The following RHOU variants were observed in gnomAD, a reference collection of about 807,000 sequenced individuals.
The protein encoded by RHOU is ras homolog family member U, also known as rho-related GTP-binding protein RhoU.
RHOU carries 8 observed loss-of-function variants against 12.6 expected under a neutral mutation model. The observed-to-expected ratio is 0.64, with a 90% CI of 0.37 to 1.15. The LOEUF is 1.15. Among genes scored for constraint, RHOU ranks in the 50% most tolerant of loss-of-function variants. The pLI is 0.01. For synonymous variants in RHOU, 161 were observed against 147.4 expected (o/e 1.09, Z -0.67); for missense variants, 258 against 347.0 (o/e 0.74, Z 2.04).
chr1:228,716,562 C>G, the RHOU span, among the ~76,000 whole-genome samples: 2 of 152,138 alleles, frequency 1.3e-5, no homozygotes, highest in African/African-American at 4.8e-5. Context: ...TGCTTATCAC[C>G]TATAAGCTTC....
chr1:228,745,329 A>G lies in RHOU; in HGVS notation c.*1589A>G, dbSNP rs1401329868. The G allele has an allele frequency of 6.6e-6, 1 of 152,224 alleles. No homozygotes were observed. The highest frequency in any genetic ancestry group is 2.4e-5 in the African/African-American group (1 of 41,460). 9.4% of individuals were successfully genotyped at this position (152,224 alleles called of 1,614,324 possible). ...TGCGGTGGGTGACCCAGAGCCACCA[A>G]AGTCACATCCACAACTAATGAGGGA... On this transcript the variant is annotated 3_prime_UTR_variant, in exon 3 of 3. Transcript: ENST00000366691.
chr1:228,692,589 A>G, the RHOU span, among the ~76,000 whole-genome samples: 1 of 152,014 alleles, frequency 6.6e-6, no homozygotes, highest in Non-Finnish European at 1.5e-5. Flanking sequence ...TTTTCTGGCG[A>G]TTCTAAAATT....
the RHOU span, among the ~76,000 whole-genome samples, chr1:228,660,927 C>A: frequency 8.2e-5 from 9 of 109,566 alleles, no homozygotes; most frequent in Non-Finnish European, 1.6e-4. Context: ...GAGCGAAACT[C>A]TGTCTCAAAA....
At chr1:228,666,455 T>G in the RHOU span, among the ~76,000 whole-genome samples, 10 of 152,238 alleles carry the variant, frequency 6.6e-5, no homozygotes, top group Non-Finnish European at 1.5e-5. Flanking sequence ...TCTTTCTCAC[T>G]GTTTGAAACT....
upstream of RHOU, among the ~76,000 whole-genome samples, chr1:228,734,269 T>C (rs1015687372): frequency 1.3e-5 from 2 of 152,178 alleles, no homozygotes. Flanking sequence ...AAGTGTCCTT[T>C]GCAAGTCAGG....
At chr1:228,674,929 C>T in the RHOU span, among the ~76,000 whole-genome samples, 2 of 151,798 alleles carry the variant, frequency 1.3e-5, no homozygotes, top group South Asian at 4.2e-4. Flanking sequence ...CGGGATTTCA[C>T]CGTGTTAGCC....
the RHOU span, among the ~76,000 whole-genome samples, chr1:228,713,452 C>T: frequency 6.6e-6 from 1 of 151,998 alleles, no homozygotes; most frequent in Non-Finnish European, 1.5e-5. Context: ...TTGTACTATC[C>T]TTTTTTTGTT....
the RHOU span, among the ~76,000 whole-genome samples, chr1:228,724,987 C>A: frequency 1.3e-5 from 2 of 152,172 alleles, no homozygotes; most frequent in African/African-American, 4.8e-5. Flanking sequence ...ACTTATTTGT[C>A]CTTGACTTCT....
chr1:228,701,578 TA>T, the RHOU span, among the ~76,000 whole-genome samples: 1 of 152,120 alleles, frequency 6.6e-6, no homozygotes, highest in Admixed American at 6.5e-5. Flanking sequence ...CTGATTTTAA[TA>T]AAACCTTATA....
At chr1:228,694,541 C>T in the RHOU span, among the ~76,000 whole-genome samples, 7 of 152,080 alleles carry the variant, frequency 4.6e-5, no homozygotes, top group Non-Finnish European at 7.3e-5. Flanking sequence ...TGTTCTCATT[C>T]GGCTCCCACT....
In RHOU at chr1:228,737,856, T is replaced by A; in HGVS notation, c.321+125T>A. On this transcript the variant is annotated intron_variant, in intron 2 of 2. Transcript: ENST00000366691. This position sits in a 1 kb window ranked among gnomAD's most constrained non-coding sequence, Gnocchi z 4.1. ...AAGCCTCATGAAGTGGACCCACCCC[T>A]GCTGTTGGCCCTTCTCTGAGGGTGG... 1.0e-6 allele frequency: 1 copy of A among 1,004,984 alleles called. No individual in the cohort carries two copies. The highest frequency in any genetic ancestry group is 1.5e-6 in the Non-Finnish European group (1 of 658,406). The allele number at this position is 1,004,984 out of a possible 1,614,324, so 62.3% of individuals were successfully genotyped here. A position where few individuals can be genotyped will look rare whatever the true frequency, so the allele number is the denominator to read the frequency against.
the RHOU span, among the ~76,000 whole-genome samples, chr1:228,678,081 G>A: frequency 1.3e-5 from 2 of 152,172 alleles, no homozygotes; most frequent in African/African-American, 2.4e-5. Flanking sequence ...GCAAATCCCC[G>A]AGCTTGATGT....
chr1:228,657,316 G>GA, the RHOU span, among the ~76,000 whole-genome samples: 1 of 93,992 alleles, frequency 1.1e-5, no homozygotes, highest in Non-Finnish European at 2.3e-5. Context: ...AAAAGAAAAA[G>GA]AATAAAAAAA....
At chr1:228,650,446 C>T in the RHOU span, 3 of 456,614 alleles carry the variant, frequency 6.6e-6, no homozygotes, top group East Asian at 2.1e-4. Flanking sequence ...CTGCCAGATG[C>T]CTCGGAGCAC....
chr1:228,710,815 A>G, the RHOU span, among the ~76,000 whole-genome samples: 1 of 152,188 alleles, frequency 6.6e-6, no homozygotes, highest in Non-Finnish European at 1.5e-5. Context: ...GGCCAGGGCA[A>G]TGAGGCAGGA....
chr1:228,648,607 C>G, the RHOU span, among the ~76,000 whole-genome samples: 3 of 151,832 alleles, frequency 2.0e-5, no homozygotes, highest in Non-Finnish European at 4.4e-5. Flanking sequence ...TGCAGCTTTA[C>G]AGTTGAATAT....
At chr1:228,731,625 T>A (rs980052813), upstream of RHOU, among the ~76,000 whole-genome samples, 5 of 151,976 alleles carry the variant, frequency 3.3e-5, no homozygotes, top group African/African-American at 1.2e-4. Flanking sequence ...AAAATAAACA[T>A]CCTTGGAGGA....
chr1:228,658,502 G>A, the RHOU span, among the ~76,000 whole-genome samples: 2 of 152,126 alleles, frequency 1.3e-5, no homozygotes, highest in African/African-American at 2.4e-5. Context: ...CGGGGCCTTC[G>A]CTAGACACTG....
chr1:228,649,443 G>C, the RHOU span, among the ~76,000 whole-genome samples: 1 of 152,150 alleles, frequency 6.6e-6, no homozygotes, highest in African/African-American at 2.4e-5. Flanking sequence ...ATTATCTGTG[G>C]TTCCTGTTGC....
Sources: allele counts gnomAD v4.1 joint callset (sites outside exome capture counted in the v4.1 genomes callset), GRCh38; gene constraint gnomAD v4.1.1; non-coding constraint Gnocchi (gnomAD v3.1); transcripts MANE v1.5; gene names NCBI Gene and HGNC (gene_info 2026-07-23, HGNC 2026-07-21).